CREBBP: variants seen among roughly 807,000 people sequenced by gnomAD.
The protein encoded by CREBBP is CREB binding lysine acetyltransferase.
In CREBBP, 19 loss-of-function variants were observed where a neutral mutation model predicts 265.0. That is an observed-to-expected ratio of 0.07 (90% CI 0.05 to 0.11). The LOEUF is 0.11. CREBBP is among the 10% of genes least tolerant of loss of function. CREBBP has a pLI of 1.00. For synonymous variants in CREBBP, 1,457 were observed against 1,223.7 expected (o/e 1.19, Z -3.98); for missense variants, 2,525 against 3,219.0 (o/e 0.78, Z 5.22).
intron 28 of CREBBP, among the ~76,000 whole-genome samples, chr16:3,735,127 G>A (rs985501120): frequency 5.9e-5 from 9 of 152,114 alleles, no homozygotes; most frequent in African/African-American, 1.9e-4. Flanking sequence ...ACCGCCTGGC[G>A]GGTCCTCTTC....
intron 1 of CREBBP, among the ~76,000 whole-genome samples, chr16:3,869,134 G>C (rs1479277374): frequency 6.6e-6 from 1 of 152,136 alleles, no homozygotes; most frequent in Admixed American, 6.5e-5. Flanking sequence ...TCAGGTGTCA[G>C]TGCTAACGTC....
In CREBBP at chr16:3,777,599, A is replaced by G. The variant is rs368528481; in HGVS notation, c.2158+14T>C. 4.3e-5 allele frequency: 69 copies of G among 1,613,896 alleles called. No individual in the cohort carries two copies. The South Asian group carries it at 6.7e-4, about 16-fold the overall frequency. On this transcript the variant is annotated intron_variant, in intron 11 of 30. Transcript: ENST00000262367. ...GTAAAACTAAAATATGATTCACCAC[A>G]AACAGTTCAATACCTTGAGAAACTT...
At chr16:3,784,699 C>G (rs777137255) in intron 5 of CREBBP, among the ~76,000 whole-genome samples, 1 of 152,282 alleles carries the variant, frequency 6.6e-6, no homozygotes, top group African/African-American at 2.4e-5. Context: ...TTCCATTTCC[C>G]GTAAACCCTT....
chr16:3,770,715 G>A lies in CREBBP; in HGVS notation c.2735C>T (p.Thr912Ile), dbSNP rs1567299077. The change falls in exon 14 of 31, where the codon ACC (threonine) becomes ATC (isoleucine). Residue 912 changes from threonine (T) to isoleucine (I), a missense_variant. Physicochemically the swap from Thr to Ile is moderately conservative, Grantham distance 89. Coordinates refer to ENST00000262367, the MANE Select transcript of CREBBP (RefSeq NM_004380.3). ...TGCCTGGACTGTAGGGGTGCTCTGG[G>A]TTTGGGTAGCACTGGGCACTGAGCC... ...TPGSVPSATQ[T>I]QSTPTVQAAA... 8 of 1,614,118 alleles carry A rather than the reference G, an allele frequency of 5.0e-6. No individual in the cohort carries two copies. The highest frequency in any genetic ancestry group is 1.1e-5 in the South Asian group (1 of 91,086).
intron 28 of CREBBP, among the ~76,000 whole-genome samples, chr16:3,735,539 G>A (rs1267356717): frequency 2.6e-5 from 4 of 152,054 alleles, no homozygotes; most frequent in Non-Finnish European, 5.9e-5. Flanking sequence ...CTTGTGATCC[G>A]CCTGCCTCGG....
intron 16 of CREBBP, 165 bp downstream of exon 16, chr16:3,767,555 C>A: frequency 1.1e-6 from 1 of 922,266 alleles, no homozygotes; most frequent in Non-Finnish European, 1.6e-6. Flanking sequence ...AGGGGTCCTG[C>A]TCAGCCTGAG....
At chr16:3,855,811 T>C (rs1045302203) in intron 1 of CREBBP, among the ~76,000 whole-genome samples, 3 of 152,204 alleles carry the variant, frequency 2.0e-5, no homozygotes, top group Non-Finnish European at 4.4e-5. Context: ...TTCACTGAGG[T>C]GTCCAGACAC....
chr16:3,741,975 G>T (rs2052223717), intron 23 of CREBBP: 1 of 152,258 alleles, frequency 6.6e-6, no homozygotes, highest in South Asian at 2.1e-4. Flanking sequence ...AGCTACTCGG[G>T]AGGCTGAGGC....
At chr16:3,826,680 T>C (rs183215593) in intron 2 of CREBBP, among the ~76,000 whole-genome samples, 202 of 152,222 alleles carry the variant, frequency 1.3e-3, no homozygotes, top group Non-Finnish European at 1.7e-3. Flanking sequence ...TCCTCAAAAC[T>C]GTCAAGGTCA....
intron 2 of CREBBP, among the ~76,000 whole-genome samples, chr16:3,815,128 C>T (rs1426699909): frequency 6.6e-6 from 1 of 152,190 alleles, no homozygotes; most frequent in Admixed American, 6.5e-5. Flanking sequence ...GCACTGTGGT[C>T]CCCCACCCTA....
At chr16:3,812,603 C>G (rs1176300055) in intron 2 of CREBBP, among the ~76,000 whole-genome samples, 1 of 151,840 alleles carries the variant, frequency 6.6e-6, no homozygotes, top group Non-Finnish European at 1.5e-5. Flanking sequence ...CTGCAACCAA[C>G]TGGAATTCCT....
chr16:3,744,531 G>A (rs2052294408), intron 23 of CREBBP, among the ~76,000 whole-genome samples: 1 of 152,188 alleles, frequency 6.6e-6, no homozygotes, highest in African/African-American at 2.4e-5. Flanking sequence ...GGACTGAGAT[G>A]TTTTACACTT....
chr16:3,869,604 G>GT (rs2055251194), intron 1 of CREBBP, among the ~76,000 whole-genome samples: 1 of 152,078 alleles, frequency 6.6e-6, no homozygotes, highest in African/African-American at 2.4e-5. Context: ...CTCAAACCAG[G>GT]TAACATTTAA....
chr16:3,820,728 C>T (rs555947716), intron 2 of CREBBP, among the ~76,000 whole-genome samples: 1 of 152,070 alleles, frequency 6.6e-6, no homozygotes, highest in African/African-American at 2.4e-5. Flanking sequence ...GGTGTGACGG[C>T]GTGTGCTTGT....
rs1274540523 is a variant in CREBBP, at chr16:3,731,861, C to T, written c.4805G>A (p.Arg1602His). The change falls in exon 29 of 31, where the codon CGC (arginine) becomes CAC (histidine). Residue 1602 changes from arginine to histidine, a missense_variant. Physicochemically the swap from Arg to His is conservative, Grantham distance 29. This residue lies in a region of CREBBP where 93 missense variants were observed against 161.5 expected (regional missense o/e 0.58). Transcript: ENST00000262367. The surrounding 1 kb of genome is among the most constrained non-coding windows in gnomAD (Gnocchi z 7.7). ...KTNKNKSSIS[R>H]ANKKKPSMPN... Reference sequence around the variant, plus strand: ...CATGCTGGGCTTCTTCTTGTTGGCGCGGCTGATGCTGCTTTTGTTCTTGTT... The same window carrying T: ...CATGCTGGGCTTCTTCTTGTTGGCGTGGCTGATGCTGCTTTTGTTCTTGTT... The T allele has an allele frequency of 1.2e-6, 2 of 1,614,244 alleles. No individual in the cohort carries two copies. Among genetic ancestry groups the T allele is most frequent in the East Asian group, 2.2e-5 (1 of 44,882 alleles).
At chr16:3,765,302 T>C (rs2052824904) in intron 16 of CREBBP, among the ~76,000 whole-genome samples, 1 of 152,186 alleles carries the variant, frequency 6.6e-6, no homozygotes, top group Non-Finnish European at 1.5e-5. Context: ...TTATTCTGTG[T>C]GATGAAACAT....
chr16:3,837,149 GAC>G (rs2054469323), intron 2 of CREBBP, among the ~76,000 whole-genome samples: 1 of 152,164 alleles, frequency 6.6e-6, no homozygotes. Flanking sequence ...TATAGGAGAT[GAC>G]AGTCTCCCAT....
Position 3,780,884 on chromosome 16 carries a change from G to A in CREBBP, c.1677-6C>T, listed in dbSNP as rs1289291150. The A allele has an allele frequency of 3.1e-6, 5 of 1,613,172 alleles. No individual in the cohort carries two copies. The East Asian group carries it at 1.1e-4, about 36-fold the overall frequency. On this transcript the variant is annotated splice_polypyrimidine_tract_variant and splice_region_variant and intron_variant, in intron 7 of 30. Coordinates refer to ENST00000262367, the MANE Select transcript of CREBBP (RefSeq NM_004380.3). ...AGCCATCGTTCATCAGTGGGCTAAG[G>A]AGGAAATAAAGACACTTCATCCATC...
chr16:3,734,602 G>T (rs1313314262), intron 28 of CREBBP, among the ~76,000 whole-genome samples: 1 of 152,194 alleles, frequency 6.6e-6, no homozygotes, highest in Non-Finnish European at 1.5e-5. Flanking sequence ...ACACCAGTGA[G>T]ACCAGCTACA....
Sources: gnomAD v4.1 joint callset for allele counts (sites outside exome capture counted in the v4.1 genomes callset) on GRCh38, gnomAD v4.1.1 for gene constraint, gnomAD v4.1.1 regional missense constraint, Gnocchi (gnomAD v3.1) non-coding constraint, MANE v1.5 for transcripts, NCBI Gene and HGNC (gene_info 2026-07-23, HGNC 2026-07-21) for gene names.